The following BOLL variants were observed in gnomAD, a reference collection of about 807,000 sequenced individuals.
The protein encoded by BOLL is boule RNA binding protein.
In BOLL, 23 loss-of-function variants were observed where a neutral mutation model predicts 44.4. The ratio of observed to expected loss-of-function variants is 0.52; its 90% CI spans 0.37 to 0.73. The LOEUF is 0.73. BOLL is among the 30% of genes least tolerant of loss of function. The probability of loss-of-function intolerance (pLI) is 0.00; values close to 1 mark genes in which losing one functional copy is unlikely to be tolerated. For synonymous variants in BOLL, 97 were observed against 110.8 expected (o/e 0.88, Z 0.78); for missense variants, 287 against 338.3 (o/e 0.85, Z 1.19).
intron 10 of BOLL, among the ~76,000 whole-genome samples, chr2:197,729,515 C>A (rs1310921521): frequency 6.6e-6 from 1 of 152,184 alleles, no homozygotes; most frequent in African/African-American, 2.4e-5. Flanking sequence ...GGGGGCAGGG[C>A]ACAGACAAAC....
At chr2:197,775,953 C>T (rs752405317) in intron 4 of BOLL, among the ~76,000 whole-genome samples, 1 of 151,820 alleles carries the variant, frequency 6.6e-6, no homozygotes, top group Non-Finnish European at 1.5e-5. Context: ...ACAGTCAATC[C>T]TCATTACTCA....
At chr2:197,754,840 CAA>C (rs1195730050) in intron 9 of BOLL, among the ~76,000 whole-genome samples, 2 of 152,026 alleles carry the variant, frequency 1.3e-5, no homozygotes, top group Admixed American at 6.6e-5. Context: ...CAGGCACGGG[CAA>C]AGACTTCATG....
intron 5 of BOLL, 93 bp downstream of exon 5, chr2:197,775,572 C>A: frequency 1.2e-6 from 1 of 859,968 alleles, no homozygotes; most frequent in Non-Finnish European, 1.8e-6. Context: ...ATGAAAGAAA[C>A]ATGATCTTTT....
At chr2:197,737,379 G>C (rs1687542200) in intron 10 of BOLL, among the ~76,000 whole-genome samples, 1 of 152,018 alleles carries the variant, frequency 6.6e-6, no homozygotes, top group Non-Finnish European at 1.5e-5. Flanking sequence ...TCAAAAAGGA[G>C]TCTTGGTAGA....
At chr2:197,772,744 A>T (rs2106378644) in intron 5 of BOLL, among the ~76,000 whole-genome samples, 1 of 152,096 alleles carries the variant, frequency 6.6e-6, no homozygotes, top group East Asian at 1.9e-4. Context: ...CATTGAGGAG[A>T]CTTTAAAAGT....
At chr2:197,768,020 G>T (rs1430422492) in intron 6 of BOLL, among the ~76,000 whole-genome samples, 1 of 151,922 alleles carries the variant, frequency 6.6e-6, no homozygotes, top group Non-Finnish European at 1.5e-5. Flanking sequence ...ATAAATAATT[G>T]TGTAAATGAG....
intron 7 of BOLL, chr2:197,758,916 A>G (rs748048518): frequency 2.6e-6 from 4 of 1,527,374 alleles, no homozygotes; most frequent in Admixed American, 3.9e-5. Context: ...TTAGATCTAA[A>G]TGTTAGCCAG....
intron 1 of BOLL, among the ~76,000 whole-genome samples, chr2:197,783,527 C>A: frequency 6.6e-6 from 1 of 152,270 alleles, no homozygotes; most frequent in South Asian, 2.1e-4. Context: ...CTTATGGGCT[C>A]TCTTCCCCAT....
chr2:197,749,856 C>T (rs1186988731), intron 9 of BOLL, among the ~76,000 whole-genome samples: 1 of 151,898 alleles, frequency 6.6e-6, no homozygotes, highest in African/African-American at 2.4e-5. Flanking sequence ...GCAAGACAGG[C>T]CAACATTCAA....
intron 7 of BOLL, among the ~76,000 whole-genome samples, chr2:197,766,031 G>GT (rs764355057): frequency 5.9e-4 from 90 of 151,952 alleles, no homozygotes; most frequent in Non-Finnish European, 1.0e-3. Context: ...TGATCTCATT[G>GT]TTTTTTATGG....
rs60198533 is a variant in BOLL at position 197,778,832 on chromosome 2, A to AC, written c.221+142_221+143insG. 3.1e-5 allele frequency: 19 copies of AC among 614,028 alleles called. 1 individual carries two copies. The highest frequency in any genetic ancestry group is 3.0e-4 in the African/African-American group (16 of 53,284). The allele number at this position is 614,028 out of a possible 1,614,324, so 38.0% of individuals were successfully genotyped here. ...CACACACACACACACACACACACACAAGGAAATCAAAAGGTAGGAGGAAAG... is the reference window on the plus strand; with the variant it reads ...CACACACACACACACACACACACACACAGGAAATCAAAAGGTAGGAGGAAAG... On this transcript the variant is annotated intron_variant, in intron 3 of 10. Transcript: ENST00000392296.
chr2:197,757,123 T>G (rs1218197664), intron 8 of BOLL, among the ~76,000 whole-genome samples: 2 of 152,144 alleles, frequency 1.3e-5, no homozygotes, highest in East Asian at 3.8e-4. Context: ...ATGCTTTCAC[T>G]TATGCATTAT....
chr2:197,779,730 T>C (rs1043335981), intron 2 of BOLL, among the ~76,000 whole-genome samples: 4 of 152,008 alleles, frequency 2.6e-5, no homozygotes, highest in South Asian at 2.1e-4. Flanking sequence ...TCTACAAAGA[T>C]GGTTTTGGCA....
intron 9 of BOLL, among the ~76,000 whole-genome samples, chr2:197,753,648 G>A (rs951898241): frequency 6.6e-6 from 1 of 152,206 alleles, no homozygotes; most frequent in Non-Finnish European, 1.5e-5. Context: ...AGATGCTGGA[G>A]AGGATGTGGA....
intron 5 of BOLL, 80 bp from the exon 6 acceptor site, chr2:197,772,062 A>G: frequency 8.1e-7 from 1 of 1,227,652 alleles, no homozygotes; most frequent in East Asian, 2.7e-5. Flanking sequence ...CTTCAGAAAA[A>G]TATTTATCTT....
chr2:197,757,378 C>T lies in BOLL; in HGVS notation c.575G>A (p.Gly192Glu). Residue 192 changes from glycine to glutamate, a missense_variant, in exon 8 of 11, where the codon GGA (glycine) becomes GAA (glutamate). Coordinates refer to ENST00000392296, the MANE Select transcript of BOLL (RefSeq NM_033030.6). ...HYQATTQYLP[G>E]QWQWSVPQPS... ...CTGAGGAACACTCCACTGCCACTGT[C>T]CTGGTAAATACTGTGTGGTGGCCTA... 6.2e-7 allele frequency: 1 copy of T among 1,610,750 alleles called. No homozygotes were observed.
In BOLL at chr2:197,743,162, A is replaced by G. The variant is rs1444536345; in HGVS notation, c.730-3T>C. 1.9e-6 allele frequency: 3 copies of G among 1,568,176 alleles called. No individual in the cohort carries two copies. Among genetic ancestry groups the G allele is most frequent in the South Asian group, 1.2e-5 (1 of 83,190 alleles). On this transcript the variant is annotated splice_region_variant and splice_polypyrimidine_tract_variant and intron_variant, in intron 9 of 10. Coordinates refer to ENST00000392296, the MANE Select transcript of BOLL (RefSeq NM_033030.6). ...TGAACTCCATGATCAGAATAAGGCTATTACAAAAAAAGAGAGAAAAAATGT... is the reference window on the plus strand; with the variant it reads ...TGAACTCCATGATCAGAATAAGGCTGTTACAAAAAAAGAGAGAAAAAATGT...
intron 9 of BOLL, among the ~76,000 whole-genome samples, chr2:197,745,501 T>C: frequency 6.6e-6 from 1 of 152,298 alleles, no homozygotes; most frequent in African/African-American, 2.4e-5. Flanking sequence ...CATTAAATAG[T>C]GCATATATTC....
intron 3 of BOLL, among the ~76,000 whole-genome samples, chr2:197,777,977 T>G (rs2106387946): frequency 6.6e-6 from 1 of 152,074 alleles, no homozygotes; most frequent in Non-Finnish European, 1.5e-5. Context: ...TTACGCTATT[T>G]TTTTGGTAGA....
Sources: gnomAD v4.1 joint callset for allele counts (sites outside exome capture counted in the v4.1 genomes callset) on GRCh38, gnomAD v4.1.1 for gene constraint, MANE v1.5 for transcripts, NCBI Gene and HGNC (gene_info 2026-07-23, HGNC 2026-07-21) for gene names.